MDN1: variants seen among roughly 807,000 people sequenced by gnomAD.
MDN1 encodes midasin.
In MDN1, 266 loss-of-function variants were observed where a neutral mutation model predicts 669.2. The observed-to-expected ratio is 0.40, with a 90% CI of 0.36 to 0.44. The LOEUF (loss-of-function observed/expected upper bound fraction) is 0.44. Ranked by LOEUF, MDN1 falls within the 20% of genes least tolerant of loss-of-function variation. MDN1 has a pLI of 1.00. For missense variants in MDN1, 5,940 were observed against 6,754.0 expected (o/e 0.88, Z 4.22); for synonymous variants, 2,385 against 2,457.1 (o/e 0.97, Z 0.87).
chr6:89,793,061 C>A (rs534205849), intron 5 of MDN1, among the ~76,000 whole-genome samples: 229 of 152,306 alleles, frequency 1.5e-3, no homozygotes, highest in African/African-American at 5.3e-3. Flanking sequence ...CTGGCTCCCA[C>A]TAGTGCCAGA....
chr6:89,687,325 G>C lies in MDN1; in HGVS notation c.11450+19C>G. 1 of 1,606,980 alleles carries C rather than the reference G, an allele frequency of 6.2e-7. No individual in the cohort carries two copies. Among genetic ancestry groups the C allele is most frequent in the Non-Finnish European group, 8.5e-7 (1 of 1,174,278 alleles). ...GCCCTTACAACCTAAGTTTAGGAGAGGGAAGGAGAGTCACTTACTTCAGCT... is the reference window on the plus strand; with the variant it reads ...GCCCTTACAACCTAAGTTTAGGAGACGGAAGGAGAGTCACTTACTTCAGCT... On this transcript the variant is annotated intron_variant, in intron 68 of 101. Coordinates refer to ENST00000369393, the MANE Select transcript of MDN1 (RefSeq NM_014611.3).
chr6:89,722,186 A>G (rs1409697507), intron 40 of MDN1, among the ~76,000 whole-genome samples: 1 of 152,264 alleles, frequency 6.6e-6, no homozygotes, highest in Non-Finnish European at 1.5e-5. Context: ...TGGGAATTCT[A>G]GTTTTACAAA....
intron 15 of MDN1, among the ~76,000 whole-genome samples, chr6:89,770,400 CAAA>C (rs572130757): frequency 8.2e-5 from 5 of 61,098 alleles, no homozygotes; most frequent in Admixed American, 1.9e-4. Flanking sequence ...GACTCTGTCT[CAAA>C]AAAAAAAAAA....
chr6:89,761,861 C>T (rs1302391494), intron 16 of MDN1, 113 bp from the exon 17 acceptor site: 1 of 755,130 alleles, frequency 1.3e-6, no homozygotes, highest in Non-Finnish European at 2.1e-6. Context: ...TTACACAAAA[C>T]ACTAAGTCTA....
chr6:89,746,479 G>A (rs892491907), intron 27 of MDN1, among the ~76,000 whole-genome samples: 6 of 151,890 alleles, frequency 4.0e-5, no homozygotes, highest in African/African-American at 1.5e-4. Context: ...CTACTTGGGA[G>A]GCTGAGGCAG....
At chr6:89,797,700 G>A in intron 2 of MDN1, 1 of 461,816 alleles carries the variant, frequency 2.2e-6, no homozygotes, top group Non-Finnish European at 4.4e-6. Flanking sequence ...TGCCTTCAGT[G>A]GTGGCTATTA....
intron 76 of MDN1, among the ~76,000 whole-genome samples, chr6:89,676,409 T>A (rs1258324736): frequency 1.3e-5 from 2 of 152,238 alleles, no homozygotes; most frequent in Admixed American, 6.5e-5. Context: ...AAATAAATTA[T>A]GCTGACAACA....
At chr6:89,676,443 T>C (rs1811195625) in intron 76 of MDN1, among the ~76,000 whole-genome samples, 1 of 152,214 alleles carries the variant, frequency 6.6e-6, no homozygotes, top group Non-Finnish European at 1.5e-5. Context: ...GAAATCTTCC[T>C]ATCTTGGCAG....
At chr6:89,809,960 C>T (rs1033040457) in intron 1 of MDN1, among the ~76,000 whole-genome samples, 1 of 130,046 alleles carries the variant, frequency 7.7e-6, no homozygotes, top group African/African-American at 2.9e-5. Context: ...CACTATACCC[C>T]AGCCTAGGCA....
intron 53 of MDN1, among the ~76,000 whole-genome samples, chr6:89,705,051 T>C (rs1245353829): frequency 1.3e-5 from 2 of 152,168 alleles, no homozygotes; most frequent in African/African-American, 4.8e-5. Flanking sequence ...CTCCTAACTA[T>C]AGGAGGCCAG....
At chr6:89,801,338 G>A (rs4707572) in intron 2 of MDN1, among the ~76,000 whole-genome samples, 77,668 of 152,070 alleles carry the variant, frequency 0.51, 20,719 homozygotes, top group Non-Finnish European at 0.61. Flanking sequence ...GGCCTGGACA[G>A]CATGGTGAAA....
intron 1 of MDN1, among the ~76,000 whole-genome samples, chr6:89,803,877 G>A (rs1025571322): frequency 2.2e-5 from 3 of 134,900 alleles, no homozygotes; most frequent in African/African-American, 8.4e-5. Context: ...CACCGCGCCC[G>A]GCCTTTTCTT....
chr6:89,649,201 A>G (rs1172341076), intron 97 of MDN1, among the ~76,000 whole-genome samples: 4 of 152,250 alleles, frequency 2.6e-5, no homozygotes, highest in Non-Finnish European at 5.9e-5. Flanking sequence ...CAAAAGCAGC[A>G]GCAAACTGAG....
At chr6:89,811,411 G>A (rs558864277) in intron 1 of MDN1, among the ~76,000 whole-genome samples, 13 of 152,086 alleles carry the variant, frequency 8.5e-5, no homozygotes, top group Admixed American at 4.6e-4. Flanking sequence ...ATAAAAACAG[G>A]ACAATGAATG....
chr6:89,731,805 C>T (rs1378816167), intron 34 of MDN1, among the ~76,000 whole-genome samples: 1 of 146,480 alleles, frequency 6.8e-6, no homozygotes, highest in Non-Finnish European at 1.5e-5. Flanking sequence ...ACCGCCCCCC[C>T]CCCCCACCTT....
chr6:89,730,680 A>G lies in MDN1; in HGVS notation c.5140+46T>C, dbSNP rs184232908. 4.1e-4 allele frequency: 611 copies of G among 1,502,036 alleles called. 4 individuals are homozygous for G. The African/African-American group carries it at 7.7e-3, about 19-fold the overall frequency. 93.0% of individuals were successfully genotyped at this position (1,502,036 alleles called of 1,614,324 possible). A position where few individuals can be genotyped will look rare whatever the true frequency, so the allele number is the denominator to read the frequency against. On this transcript the variant is annotated intron_variant, in intron 35 of 101. Transcript: ENST00000369393. ...AAGTCACAATAAAAGCCAAGTATCT[A>G]TGATCTATAGAAAAGGAAAATTCAT...
At position 89,693,153 on chromosome 6, in the gene MDN1, C is replaced by G; in HGVS notation, c.9882-5G>C. 1 of 1,564,126 alleles carries G rather than the reference C, an allele frequency of 6.4e-7. No individual in the cohort carries two copies. Among genetic ancestry groups the G allele is most frequent in the South Asian group, 1.2e-5 (1 of 83,260 alleles). On this transcript the variant is annotated splice_polypyrimidine_tract_variant and splice_region_variant and intron_variant, in intron 62 of 101. Transcript: ENST00000369393. ...TCCATCCTTTGGCGAAGCAGCCTAA[C>G]GGGAAATTAACACAATATGCCAATT... is the stretch of plus-strand genomic sequence containing the variant.
chr6:89,655,942 A>C lies in MDN1; in HGVS notation c.15312T>G (p.Ala5104=). Residue 5104 remains alanine (A), a synonymous_variant, in exon 92 of 102, where the codon GCT becomes GCG. Transcript: ENST00000369393. ...TQSFKRKPGQ[A]DNERSMGDHN... ...GATCACCCATGGAACGTTCATTGTCAGCCTGCCCAGGTTTCCTCTTAAAAC... is the reference window on the plus strand; with the variant it reads ...GATCACCCATGGAACGTTCATTGTCCGCCTGCCCAGGTTTCCTCTTAAAAC... 1.2e-6 allele frequency: 2 copies of C among 1,613,998 alleles called. No individual in the cohort carries two copies. Among genetic ancestry groups the C allele is most frequent in the Non-Finnish European group, 1.7e-6 (2 of 1,180,008 alleles).
At chr6:89,737,397 T>A (rs1337368906) in intron 33 of MDN1, among the ~76,000 whole-genome samples, 1 of 152,150 alleles carries the variant, frequency 6.6e-6, no homozygotes, top group African/African-American at 2.4e-5. Context: ...TATCTTTTTT[T>A]TATATTCTTT....
Sources: gnomAD v4.1 joint callset for allele counts (sites outside exome capture counted in the v4.1 genomes callset) on GRCh38, gnomAD v4.1.1 for gene constraint, MANE v1.5 for transcripts, NCBI Gene and HGNC (gene_info 2026-07-23, HGNC 2026-07-21) for gene names.